The following FBXL17 variants were observed in gnomAD, a reference collection of about 807,000 sequenced individuals.
The protein encoded by FBXL17 is F-box/LRR-repeat protein 17.
A neutral mutation model predicts 66.2 loss-of-function variants in FBXL17; 22 were observed. That is an observed-to-expected ratio of 0.33 (90% confidence interval 0.24 to 0.47). The LOEUF is 0.47. Among genes scored for constraint, FBXL17 ranks in the 20% least tolerant of loss-of-function variants. The pLI is 1.00. For missense variants in FBXL17, 878 were observed against 948.2 expected (o/e 0.93, Z 0.97); for synonymous variants, 474 against 400.5 (o/e 1.18, Z -2.19).
chr5:108,221,618 T>C (rs1035479022), intron 5 of FBXL17, among the ~76,000 whole-genome samples: 41 of 152,170 alleles, frequency 2.7e-4, no homozygotes, highest in Admixed American at 3.9e-4. Context: ...TGATAACTCT[T>C]AACACTCTAT....
At chr5:107,866,531 A>G (rs1748281442) in intron 8 of FBXL17, among the ~76,000 whole-genome samples, 1 of 152,222 alleles carries the variant, frequency 6.6e-6, no homozygotes, top group African/African-American at 2.4e-5. Flanking sequence ...GGGTGAGGAG[A>G]GAAACTTCAG....
intron 5 of FBXL17, among the ~76,000 whole-genome samples, chr5:108,193,747 G>C (rs1753564905): frequency 6.6e-6 from 1 of 151,998 alleles, no homozygotes; most frequent in Non-Finnish European, 1.5e-5. Flanking sequence ...ATGAAAATAG[G>C]ACTTACAGGG....
At chr5:107,947,312 C>G (rs990232800) in intron 7 of FBXL17, among the ~76,000 whole-genome samples, 1 of 152,236 alleles carries the variant, frequency 6.6e-6, no homozygotes, top group African/African-American at 2.4e-5. Flanking sequence ...GGGCTTTAAG[C>G]TCTGGCAGGT....
At chr5:107,927,828 G>A (rs1263033035) in intron 7 of FBXL17, among the ~76,000 whole-genome samples, 2 of 152,066 alleles carry the variant, frequency 1.3e-5, no homozygotes, top group African/African-American at 4.8e-5. Context: ...TGTGTTCCAA[G>A]AAGTTAAGAA....
rs375853217 is a variant in FBXL17, at chr5:108,009,261, TTA to T, written c.1822+11662_1822+11663del. 6.1e-3 allele frequency among the ~76,000 whole-genome samples: 127 copies of T among 20,844 alleles called. 3 individuals carry two copies. The highest frequency in any genetic ancestry group is 0.04 in the East Asian group (11 of 278). The allele number at this position is 20,844 out of a possible 152,430, so 13.7% of individuals were successfully genotyped here. A position where few individuals can be genotyped will look rare whatever the true frequency, so the allele number is the denominator to read the frequency against. ...GCTTGGTCGTGAGTTGTTCCCTGTT[TTA>T]TATATATATATATATATATATATAT... On this transcript the variant is annotated intron_variant, in intron 7 of 8. Transcript: ENST00000542267.
chr5:108,082,921 A>G (rs1748823866), intron 6 of FBXL17, among the ~76,000 whole-genome samples: 1 of 152,210 alleles, frequency 6.6e-6, no homozygotes, highest in African/African-American at 2.4e-5. Flanking sequence ...GTTGGATAAT[A>G]AAATTTGTAA....
intron 6 of FBXL17, among the ~76,000 whole-genome samples, chr5:108,038,158 ACTTGAC>A (rs999828972): frequency 2.0e-5 from 3 of 152,180 alleles, no homozygotes; most frequent in African/African-American, 7.2e-5. Context: ...CAAATGAAAC[ACTTGAC>A]CTAACTTGGA....
chr5:108,003,124 C>G (rs1331744860), intron 7 of FBXL17, among the ~76,000 whole-genome samples: 2 of 152,148 alleles, frequency 1.3e-5, no homozygotes, highest in African/African-American at 4.8e-5. Context: ...GCCACAGCTA[C>G]CTTGAGGAAG....
intron 6 of FBXL17, among the ~76,000 whole-genome samples, chr5:108,116,202 C>T (rs557520634): frequency 3.3e-5 from 5 of 152,068 alleles, no homozygotes; most frequent in East Asian, 3.9e-4. Flanking sequence ...GCCTTATATA[C>T]GTAAAATTAC....
At chr5:107,968,139 A>G (rs897410654) in intron 7 of FBXL17, among the ~76,000 whole-genome samples, 1 of 152,190 alleles carries the variant, frequency 6.6e-6, no homozygotes, top group Admixed American at 6.5e-5. Context: ...CAAGGGCAAC[A>G]GCATCAAAGA....
chr5:108,047,319 G>A (rs1283039035), intron 6 of FBXL17, among the ~76,000 whole-genome samples: 1 of 152,172 alleles, frequency 6.6e-6, no homozygotes, highest in Admixed American at 6.5e-5. Context: ...CAGATCAGAA[G>A]ATCCCAGTCG....
At chr5:108,262,074 A>ATTTTTTT (rs375770362) in intron 4 of FBXL17, among the ~76,000 whole-genome samples, 1 of 135,710 alleles carries the variant, frequency 7.4e-6, no homozygotes, top group African/African-American at 3.3e-5. Context: ...TTATTTATTT[A>ATTTTTTT]TTTATTTATT....
intron 3 of FBXL17, among the ~76,000 whole-genome samples, chr5:108,359,364 C>T (rs1748202460): frequency 6.6e-6 from 1 of 152,088 alleles, no homozygotes; most frequent in African/African-American, 2.4e-5. Context: ...GTTTAGCCTG[C>T]TCTTCTTTCT....
At chr5:107,942,921 C>T (rs1349412765) in intron 7 of FBXL17, among the ~76,000 whole-genome samples, 1 of 152,190 alleles carries the variant, frequency 6.6e-6, no homozygotes, top group Non-Finnish European at 1.5e-5. Flanking sequence ...ACAAAAGTCA[C>T]CAATGTATTT....
intron 6 of FBXL17, among the ~76,000 whole-genome samples, chr5:108,042,169 C>T (rs938069445): frequency 1.3e-5 from 2 of 152,204 alleles, no homozygotes; most frequent in Admixed American, 1.3e-4. Flanking sequence ...GCTGGGATTA[C>T]AGGCGTGAGC....
intron 3 of FBXL17, among the ~76,000 whole-genome samples, chr5:108,363,744 A>G (rs1394165274): frequency 6.6e-6 from 1 of 152,032 alleles, no homozygotes; most frequent in Non-Finnish European, 1.5e-5. Flanking sequence ...TTTGTGTTAT[A>G]TCAGAATTAA....
At chr5:108,144,000 T>C (rs1388350402) in intron 6 of FBXL17, among the ~76,000 whole-genome samples, 1 of 151,898 alleles carries the variant, frequency 6.6e-6, no homozygotes, top group African/African-American at 2.4e-5. Flanking sequence ...TCATAGCATC[T>C]CCTTATCTGC....
intron 7 of FBXL17, among the ~76,000 whole-genome samples, chr5:107,945,340 G>A (rs1447023272): frequency 6.6e-6 from 1 of 152,054 alleles, no homozygotes; most frequent in East Asian, 1.9e-4. Flanking sequence ...ACTTACTTTG[G>A]AGAGCAAATT....
intron 4 of FBXL17, among the ~76,000 whole-genome samples, chr5:108,267,307 C>T (rs1757083377): frequency 6.6e-6 from 1 of 151,780 alleles, no homozygotes; most frequent in African/African-American, 2.4e-5. Context: ...GAAAACTCAC[C>T]AAATTTTTAC....
Sources: allele counts gnomAD v4.1 joint callset (sites outside exome capture counted in the v4.1 genomes callset), GRCh38; gene constraint gnomAD v4.1.1; transcripts MANE v1.5; gene names NCBI Gene and HGNC (gene_info 2026-07-23, HGNC 2026-07-21).